The following PCSK2 variants were observed in gnomAD, a reference collection of about 807,000 sequenced individuals.
The protein encoded by PCSK2 is proprotein convertase subtilisin/kexin type 2, also known as neuroendocrine convertase 2.
PCSK2 carries 14 observed loss-of-function variants against 69.7 expected under a neutral mutation model. The observed-to-expected ratio is 0.20, with a 90% CI of 0.13 to 0.31. The LOEUF is 0.31. Among genes scored for constraint, PCSK2 ranks in the 10% least tolerant of loss-of-function variants. PCSK2 has a pLI of 1.00. For synonymous variants in PCSK2, 307 were observed against 320.7 expected, an observed-to-expected ratio of 0.96 and a Z score of 0.46; for missense variants, 544 against 842.5, an observed-to-expected ratio of 0.65 and a Z score of 4.39.
At chr20:17,414,284 C>A (rs1375781025) in intron 6 of PCSK2, among the ~76,000 whole-genome samples, 1 of 152,056 alleles carries the variant, frequency 6.6e-6, no homozygotes, top group Non-Finnish European at 1.5e-5. Flanking sequence ...TGATAGATCA[C>A]TAGCAAGACT....
At chr20:17,456,560 AATAGTC>A in intron 10 of PCSK2, 112 bp downstream of exon 10, 1 of 678,490 alleles carries the variant, frequency 1.5e-6, no homozygotes, top group Admixed American at 2.3e-5. Flanking sequence ...AGAGGCCATG[AATAGTC>A]AGGGCCAATG....
intron 11 of PCSK2, among the ~76,000 whole-genome samples, chr20:17,477,908 C>T (rs866076951): frequency 6.6e-6 from 1 of 152,078 alleles, no homozygotes; most frequent in African/African-American, 2.4e-5. Flanking sequence ...TTTCATAAGC[C>T]CTGAGATAAC....
At position 17,428,786 on chromosome 20, in the gene PCSK2, C is replaced by G. The variant is rs575935237; in HGVS notation, c.621-649C>G. On this transcript the variant is annotated intron_variant, in intron 6 of 11. Transcript: ENST00000262545. Reference sequence around the variant, plus strand: ...GGCTTAGATGGGAAGATCGCTTGAGCCCAGGAGTTTGAGACCAGCCTGGGC... The same window carrying G: ...GGCTTAGATGGGAAGATCGCTTGAGGCCAGGAGTTTGAGACCAGCCTGGGC... 2.0e-3 allele frequency among the ~76,000 whole-genome samples: 304 copies of G among 151,732 alleles called. 2 individuals are homozygous for G. The highest frequency in any genetic ancestry group is 7.0e-3 in the African/African-American group (291 of 41,364).
chr20:17,366,903 A>G lies in PCSK2; in HGVS notation c.506-2337A>G, dbSNP rs138701748. On this transcript the variant is annotated intron_variant, in intron 4 of 11. Transcript: ENST00000262545. ...ATTTTCCCTTGACAGAGAAGACACT[A>G]CTATTTATTGGAACATTTTTCTCCT... Among the ~76,000 whole-genome samples the G allele has an allele frequency of 1.6e-4, 24 of 152,236 alleles. No homozygotes were observed. The East Asian group carries it at 4.6e-3, about 29-fold the overall frequency.
At chr20:17,474,128 A>G (rs1457681568) in intron 11 of PCSK2, among the ~76,000 whole-genome samples, 1 of 152,296 alleles carries the variant, frequency 6.6e-6, no homozygotes, top group Non-Finnish European at 1.5e-5. Flanking sequence ...CCTCTTGTTC[A>G]GGTCCCCTTC....
intron 11 of PCSK2, 69 bp from the exon 12 acceptor site, chr20:17,481,502 CGCCACCTGAAGCT>C: frequency 7.4e-7 from 1 of 1,357,434 alleles, no homozygotes; most frequent in Non-Finnish European, 1.0e-6. Flanking sequence ...TTGCCCTTTC[CGCCACCTGAAGCT>C]GCCCTCAAAA....
chr20:17,478,277 G>A (rs879727149), intron 11 of PCSK2, among the ~76,000 whole-genome samples: 11 of 151,856 alleles, frequency 7.2e-5, no homozygotes, highest in Admixed American at 2.6e-4. Flanking sequence ...CTGAACAATT[G>A]CTAAAAGGAA....
chr20:17,358,138 T>C (rs3764734), intron 2 of PCSK2, among the ~76,000 whole-genome samples, 189 bp from the exon 3 acceptor site: 101,119 of 144,438 alleles, frequency 0.7, 33,917 homozygotes, highest in African/African-American at 0.74. Flanking sequence ...AGACCCCCCC[T>C]AATCTCTACA....
At chr20:17,340,507 T>C (rs779448025) in intron 2 of PCSK2, among the ~76,000 whole-genome samples, 1 of 152,220 alleles carries the variant, frequency 6.6e-6, no homozygotes, top group Non-Finnish European at 1.5e-5. Context: ...CTTGTCTCTA[T>C]GATTCTTCAA....
chr20:17,315,874 G>A (rs1989673637), intron 2 of PCSK2, among the ~76,000 whole-genome samples: 1 of 152,168 alleles, frequency 6.6e-6, no homozygotes. Context: ...CATGGCCCGC[G>A]CGGACACACC....
chr20:17,299,064 G>T (rs1010716649), intron 2 of PCSK2, among the ~76,000 whole-genome samples: 1 of 152,076 alleles, frequency 6.6e-6, no homozygotes, highest in Non-Finnish European at 1.5e-5. Flanking sequence ...TTAATGTACA[G>T]AAAGTTTAAA....
At chr20:17,358,739 A>C (rs1275610004) in intron 3 of PCSK2, among the ~76,000 whole-genome samples, 1 of 152,178 alleles carries the variant, frequency 6.6e-6, no homozygotes, top group South Asian at 2.1e-4. Flanking sequence ...GATTAGCAAA[A>C]CTATATAAAA....
chr20:17,250,996 C>T (rs909053482), intron 1 of PCSK2, among the ~76,000 whole-genome samples: 10 of 151,812 alleles, frequency 6.6e-5, no homozygotes, highest in African/African-American at 1.5e-4. Context: ...GCTACTCGGG[C>T]GGCTGAGGCA....
chr20:17,302,656 G>A (rs548476903), intron 2 of PCSK2, among the ~76,000 whole-genome samples: 1 of 152,166 alleles, frequency 6.6e-6, no homozygotes, highest in Non-Finnish European at 1.5e-5. Flanking sequence ...TTCATGGGTA[G>A]ACAGCCCTGT....
At chr20:17,400,445 G>A (rs1032250052) in intron 5 of PCSK2, among the ~76,000 whole-genome samples, 2 of 152,072 alleles carry the variant, frequency 1.3e-5, no homozygotes, top group Non-Finnish European at 2.9e-5. Context: ...CTTATAGGAT[G>A]AGGATGACAA....
chr20:17,252,305 C>T (rs183509273), intron 1 of PCSK2, among the ~76,000 whole-genome samples: 4 of 152,276 alleles, frequency 2.6e-5, no homozygotes, highest in Non-Finnish European at 4.4e-5. Flanking sequence ...AAAAGAGTCT[C>T]TTAAGCTGAC....
At chr20:17,290,809 G>A (rs75273773) in intron 2 of PCSK2, among the ~76,000 whole-genome samples, 11,482 of 152,168 alleles carry the variant, frequency 0.075, 627 homozygotes, top group South Asian at 0.28. Flanking sequence ...TTGGAAGTCC[G>A]AGAGCATGGT....
In PCSK2 at chr20:17,482,115, C is replaced by T. The variant is rs761766336; in HGVS notation, c.*45C>T. ...CCACCGCCCTCCCTCCCCAGCTCCG[C>T]CTCTGTCCTCGCTCCACGTTTCAGG... On this transcript the variant is annotated 3_prime_UTR_variant, in exon 12 of 12. Transcript: ENST00000262545. The T allele has an allele frequency of 3.3e-6, 5 of 1,511,398 alleles. No homozygotes were observed. The East Asian group carries it at 9.1e-5, about 28-fold the overall frequency. The allele number at this position is 1,511,398 out of a possible 1,614,324, so 93.6% of individuals were successfully genotyped here.
At chr20:17,265,249 C>G (rs1600425341) in intron 2 of PCSK2, among the ~76,000 whole-genome samples, 1 of 152,140 alleles carries the variant, frequency 6.6e-6, no homozygotes, top group East Asian at 1.9e-4. Flanking sequence ...CTCTACTTAC[C>G]ATCACCATGA....
Sources: allele counts gnomAD v4.1 joint callset (sites outside exome capture counted in the v4.1 genomes callset), GRCh38; gene constraint gnomAD v4.1.1; transcripts MANE v1.5; gene names NCBI Gene and HGNC (gene_info 2026-07-23, HGNC 2026-07-21).